The following TTC6 variants were observed in gnomAD, a reference collection of about 807,000 sequenced individuals.
TTC6 encodes the protein tetratricopeptide repeat domain 6.
Under a neutral mutation model 210.4 loss-of-function variants are expected in TTC6, and 172 were observed. The observed-to-expected ratio is 0.82, with a 90% CI of 0.72 to 0.93. The LOEUF (loss-of-function observed/expected upper bound fraction) is 0.93, where lower values mean the gene tolerates loss of function less well. TTC6 is among the 40% of genes least tolerant of loss of function. The pLI is 0.00. For synonymous variants in TTC6, 804 were observed against 819.6 expected (o/e 0.98, Z 0.32); for missense variants, 2,414 against 2,318.1 (o/e 1.04, Z -0.85).
intron 1 of TTC6, among the ~76,000 whole-genome samples, chr14:37,676,752 A>C (rs2095770586): frequency 6.6e-6 from 1 of 152,052 alleles, no homozygotes; most frequent in East Asian, 1.9e-4. Flanking sequence ...ATCATTTGAG[A>C]TAGGGATCCA....
chr14:37,789,817 A>G (rs907233149), intron 15 of TTC6, among the ~76,000 whole-genome samples: 7 of 151,940 alleles, frequency 4.6e-5, no homozygotes, highest in South Asian at 2.1e-4. Context: ...GTGTATGATC[A>G]TTGCTGACAC....
upstream of TTC6, among the ~76,000 whole-genome samples, chr14:37,620,802 T>C (rs1233944419): frequency 2.0e-5 from 3 of 152,226 alleles, no homozygotes; most frequent in African/African-American, 7.2e-5. Flanking sequence ...GAAGGAGCTT[T>C]CATTGCTCCC....
chr14:37,726,292 T>G (rs1399867174), intron 7 of TTC6, among the ~76,000 whole-genome samples: 2 of 152,184 alleles, frequency 1.3e-5, no homozygotes, highest in African/African-American at 4.8e-5. Context: ...AGAGGTAAGA[T>G]TAATATGAAG....
intron 26 of TTC6, among the ~76,000 whole-genome samples, chr14:37,821,659 T>G (rs1285159072): frequency 1.3e-5 from 2 of 151,816 alleles, no homozygotes; most frequent in Admixed American, 6.6e-5. Flanking sequence ...GGACAAGCAT[T>G]AAAAAAATAC....
At chr14:37,812,750 CTGTTTAG>C (rs1360597775) in intron 25 of TTC6, among the ~76,000 whole-genome samples, 3 of 152,156 alleles carry the variant, frequency 2.0e-5, no homozygotes, top group Non-Finnish European at 4.4e-5. Flanking sequence ...GTGTACTCTG[CTGTTTAG>C]TGGTAACTTT....
At chr14:37,688,299 C>T (rs956301510) in intron 3 of TTC6, among the ~76,000 whole-genome samples, 2 of 152,122 alleles carry the variant, frequency 1.3e-5, no homozygotes, top group African/African-American at 4.8e-5. Context: ...GCCAGATGGA[C>T]GTCTAAGGTT....
chr14:37,801,827 C>T (rs140299364), intron 20 of TTC6, among the ~76,000 whole-genome samples: 5 of 152,134 alleles, frequency 3.3e-5, no homozygotes, highest in African/African-American at 1.2e-4. Context: ...TTGTGTAAGA[C>T]GGTTTGGCGA....
intron 1 of TTC6, among the ~76,000 whole-genome samples, chr14:37,640,483 G>A (rs757814369): frequency 2.0e-5 from 3 of 152,008 alleles, no homozygotes; most frequent in Admixed American, 6.6e-5. Flanking sequence ...AGTCCTCCAC[G>A]AATTTTTTTT....
chr14:37,719,606 T>C (rs574294776), intron 6 of TTC6, among the ~76,000 whole-genome samples: 2 of 152,262 alleles, frequency 1.3e-5, no homozygotes, highest in South Asian at 4.2e-4. Flanking sequence ...TGGTGTAGGA[T>C]AGTCTTTTCA....
chr14:37,786,650 C>T (rs537882350), intron 14 of TTC6, among the ~76,000 whole-genome samples: 1 of 152,202 alleles, frequency 6.6e-6, no homozygotes, highest in Non-Finnish European at 1.5e-5. Context: ...AACTGTCCGA[C>T]AAGCCCCAGT....
At chr14:37,724,080 C>G (rs1276808759) in intron 6 of TTC6, among the ~76,000 whole-genome samples, 1 of 152,084 alleles carries the variant, frequency 6.6e-6, no homozygotes, top group African/African-American at 2.4e-5. Context: ...AGAAACCACA[C>G]TAGCAAACAC....
chr14:37,819,955 C>T (rs1204213114), intron 26 of TTC6, among the ~76,000 whole-genome samples: 1 of 152,234 alleles, frequency 6.6e-6, no homozygotes, highest in Non-Finnish European at 1.5e-5. Flanking sequence ...TATGCGAACA[C>T]ATTTTATTTT....
At chr14:37,790,271 C>T (rs985209137) in intron 15 of TTC6, among the ~76,000 whole-genome samples, 8 of 152,078 alleles carry the variant, frequency 5.3e-5, no homozygotes, top group African/African-American at 1.2e-4. Context: ...AGGACTAGTA[C>T]TCAAGCCTGT....
intron 1 of TTC6, among the ~76,000 whole-genome samples, chr14:37,635,929 A>G (rs1441879351): frequency 1.3e-5 from 2 of 149,780 alleles, no homozygotes; most frequent in Non-Finnish European, 3.0e-5. Context: ...CAGTGAGCCA[A>G]GATTGCGCCA....
chr14:37,807,503 G>T, intron 23 of TTC6, 43 bp downstream of exon 25: 2 of 1,429,338 alleles, frequency 1.4e-6, no homozygotes, highest in Non-Finnish European at 1.9e-6. Flanking sequence ...TTTAGGGTGG[G>T]CAGATTCTCT....
At chr14:37,806,316 A>G (rs1040701828) in intron 21 of TTC6, 45 bp from the exon 24 acceptor site, 6 of 1,497,104 alleles carry the variant, frequency 4.0e-6, no homozygotes, top group Middle Eastern at 1.8e-4. Flanking sequence ...AAAACAATAT[A>G]TTATATCACT....
At chr14:37,628,112 A>G (rs1486571310) in intron 1 of TTC6, among the ~76,000 whole-genome samples, 15 of 152,196 alleles carry the variant, frequency 9.9e-5, no homozygotes, top group Admixed American at 9.8e-4. Flanking sequence ...CTGGAATTGC[A>G]GGCATGTCCC....
At chr14:37,721,985 A>G (rs978927893) in intron 6 of TTC6, among the ~76,000 whole-genome samples, 2 of 150,478 alleles carry the variant, frequency 1.3e-5, no homozygotes, top group African/African-American at 2.4e-5. Context: ...AAAAAGGCAA[A>G]TAATCTCCCC....
At chr14:37,637,978 C>G (rs2139371015) in intron 1 of TTC6, among the ~76,000 whole-genome samples, 1 of 152,304 alleles carries the variant, frequency 6.6e-6, no homozygotes, top group Admixed American at 6.5e-5. Context: ...AATTGCACTC[C>G]TGGGCATTTA....
Sources: allele counts gnomAD v4.1 joint callset (sites outside exome capture counted in the v4.1 genomes callset), GRCh38; gene constraint gnomAD v4.1.1; transcripts MANE v1.5; gene names NCBI Gene and HGNC (gene_info 2026-07-23, HGNC 2026-07-21).